The following CA10 variants were observed in gnomAD, a reference collection of about 807,000 sequenced individuals.
CA10 encodes carbonic anhydrase-related protein 10.
CA10 carries 14 observed loss-of-function variants against 44.2 expected under a neutral mutation model. The ratio of observed to expected loss-of-function variants is 0.32; its 90% confidence interval spans 0.21 to 0.50. The LOEUF is 0.50. CA10 is among the 20% of genes least tolerant of loss of function. The probability of loss-of-function intolerance (pLI) is 0.99; values close to 1 mark genes in which losing one functional copy is unlikely to be tolerated. For missense variants in CA10, 350 were observed against 409.7 expected (o/e 0.85, Z 1.26); for synonymous variants, 159 against 141.6 (o/e 1.12, Z -0.87).
intron 2 of CA10, among the ~76,000 whole-genome samples, chr17:51,948,984 T>C (rs1402642998): frequency 1.3e-5 from 2 of 149,646 alleles, no homozygotes; most frequent in Non-Finnish European, 3.0e-5. Flanking sequence ...AGCAGTGATT[T>C]TTTATTAGTA....
At chr17:52,016,697 TAGGTCAG>T (rs1379464620) in intron 2 of CA10, among the ~76,000 whole-genome samples, 1 of 152,158 alleles carries the variant, frequency 6.6e-6, no homozygotes, top group East Asian at 1.9e-4. Context: ...TAGATCACTT[TAGGTCAG>T]AGGTTCAAGA....
At chr17:52,015,897 G>A (rs1427004915) in intron 2 of CA10, among the ~76,000 whole-genome samples, 1 of 152,090 alleles carries the variant, frequency 6.6e-6, no homozygotes, top group East Asian at 1.9e-4. Flanking sequence ...TATTCTTTCA[G>A]GTCAACCACG....
intron 1 of CA10, among the ~76,000 whole-genome samples, chr17:52,090,236 A>G (rs1988223376): frequency 6.6e-6 from 1 of 152,206 alleles, no homozygotes; most frequent in Non-Finnish European, 1.5e-5. Flanking sequence ...TCTTAAATAG[A>G]TGTAGTTTTA....
intron 3 of CA10, among the ~76,000 whole-genome samples, chr17:51,914,956 A>G (rs1007774022): frequency 1.3e-5 from 2 of 152,218 alleles, no homozygotes; most frequent in African/African-American, 2.4e-5. Flanking sequence ...GGCAGTAGTA[A>G]GTACTCAATA....
chr17:51,922,247 T>A (rs980184900), intron 3 of CA10, among the ~76,000 whole-genome samples: 2 of 152,178 alleles, frequency 1.3e-5, no homozygotes, highest in East Asian at 3.8e-4. Flanking sequence ...AAACCCTTTG[T>A]TTAGTAATCA....
intron 4 of CA10, among the ~76,000 whole-genome samples, chr17:51,656,979 G>A (rs1219738543): frequency 6.6e-6 from 1 of 152,200 alleles, no homozygotes; most frequent in Non-Finnish European, 1.5e-5. Flanking sequence ...GCAATAGAAA[G>A]GCTTTGAGCA....
intron 2 of CA10, among the ~76,000 whole-genome samples, chr17:51,956,723 CA>C (rs1983678715): frequency 6.6e-6 from 1 of 152,076 alleles, no homozygotes; most frequent in Non-Finnish European, 1.5e-5. Flanking sequence ...CAAAATGATA[CA>C]TTTGGCAGTG....
intron 3 of CA10, among the ~76,000 whole-genome samples, chr17:51,774,683 A>C (rs1435588804): frequency 1.3e-5 from 2 of 152,122 alleles, no homozygotes; most frequent in Non-Finnish European, 2.9e-5. Context: ...AGATCAGGGA[A>C]TCCACCTGCC....
At chr17:51,905,112 T>A (rs984902448) in intron 3 of CA10, among the ~76,000 whole-genome samples, 1 of 152,182 alleles carries the variant, frequency 6.6e-6, no homozygotes, top group African/African-American at 2.4e-5. Flanking sequence ...ATTCTCTTCA[T>A]GATGACAAAA....
chr17:51,813,754 C>T (rs1222660909), intron 3 of CA10, among the ~76,000 whole-genome samples: 1 of 152,166 alleles, frequency 6.6e-6, no homozygotes, highest in East Asian at 1.9e-4. Context: ...CCTAATGTCC[C>T]ATAGGATATA....
intron 2 of CA10, among the ~76,000 whole-genome samples, chr17:52,001,707 T>C (rs927593136): frequency 3.3e-5 from 5 of 151,986 alleles, no homozygotes; most frequent in Admixed American, 6.6e-5. Flanking sequence ...TGTATAGAAA[T>C]AGGCCATGAG....
chr17:51,878,026 C>T (rs976925142), intron 3 of CA10, among the ~76,000 whole-genome samples: 1 of 151,332 alleles, frequency 6.6e-6, no homozygotes, highest in Non-Finnish European at 1.5e-5. Flanking sequence ...CGTATGTAGT[C>T]CCAGCTACTC....
chr17:51,952,279 C>G (rs1983513515), intron 2 of CA10, among the ~76,000 whole-genome samples: 1 of 152,176 alleles, frequency 6.6e-6, no homozygotes, highest in Non-Finnish European at 1.5e-5. Flanking sequence ...ACTTTACTGT[C>G]TCACAGTTCT....
intron 1 of CA10, among the ~76,000 whole-genome samples, chr17:52,144,418 G>A (rs1284055480): frequency 6.6e-6 from 1 of 152,092 alleles, no homozygotes; most frequent in Admixed American, 6.5e-5. Context: ...ATATTTATTG[G>A]ATTATATGAG....
intron 3 of CA10, among the ~76,000 whole-genome samples, chr17:51,848,646 G>T (rs1408200263): frequency 1.3e-5 from 2 of 152,172 alleles, no homozygotes; most frequent in African/African-American, 4.8e-5. Context: ...TATGAGCCTG[G>T]GACAACTGGA....
At chr17:51,752,531 G>A (rs115865127) in intron 3 of CA10, among the ~76,000 whole-genome samples, 2,998 of 152,112 alleles carry the variant, frequency 0.02, 96 homozygotes, top group African/African-American at 0.067. Context: ...AACTTATCCA[G>A]AATCACACAG....
At chr17:52,077,915 T>C (rs1987859374) in intron 1 of CA10, among the ~76,000 whole-genome samples, 1 of 152,170 alleles carries the variant, frequency 6.6e-6, no homozygotes, top group African/African-American at 2.4e-5. Context: ...GAACAATATC[T>C]TGATCCCCTT....
At chr17:51,911,399 G>A (rs571655396) in intron 3 of CA10, among the ~76,000 whole-genome samples, 4 of 152,192 alleles carry the variant, frequency 2.6e-5, no homozygotes, top group East Asian at 3.9e-4. Context: ...GATATTATTC[G>A]CATATCCAAA....
intron 4 of CA10, among the ~76,000 whole-genome samples, chr17:51,745,408 A>G (rs1904641757): frequency 6.6e-6 from 1 of 152,170 alleles, no homozygotes; most frequent in Non-Finnish European, 1.5e-5. Context: ...CCCTGCTTAC[A>G]TGCTTTCTTC....
Sources: allele counts gnomAD v4.1 joint callset (sites outside exome capture counted in the v4.1 genomes callset), GRCh38; gene constraint gnomAD v4.1.1; transcripts MANE v1.5; gene names NCBI Gene and HGNC (gene_info 2026-07-23, HGNC 2026-07-21).